UBE2D3: variants seen among roughly 807,000 people sequenced by gnomAD.
The protein encoded by UBE2D3 is ubiquitin conjugating enzyme E2 D3.
In UBE2D3, 2 loss-of-function variants were observed where a neutral mutation model predicts 22.8. The ratio of observed to expected loss-of-function variants is 0.09; its 90% confidence interval spans 0.04 to 0.28. The LOEUF (loss-of-function observed/expected upper bound fraction) is 0.28, where lower values mean the gene tolerates loss of function less well. UBE2D3 is among the 10% of genes least tolerant of loss of function. The pLI, the probability that UBE2D3 is intolerant of heterozygous loss-of-function variation, is 1.00. For synonymous variants in UBE2D3, 56 were observed against 60.4 expected (o/e 0.93, Z 0.34); for missense variants, 27 against 182.5 (o/e 0.15, Z 4.91).
At chr4:102,856,921 A>C (rs1732648113) in intron 1 of UBE2D3, among the ~76,000 whole-genome samples, 1 of 152,198 alleles carries the variant, frequency 6.6e-6, no homozygotes, top group Non-Finnish European at 1.5e-5. Flanking sequence ...AAATAGGTGG[A>C]GCATAGGGCA....
chr4:102,848,120 A>G (rs916349783), intron 1 of UBE2D3, among the ~76,000 whole-genome samples: 2 of 152,222 alleles, frequency 1.3e-5, no homozygotes, highest in African/African-American at 4.8e-5. Flanking sequence ...AAGAAAAGCC[A>G]GATGGATCTA....
intron 2 of UBE2D3, among the ~76,000 whole-genome samples, chr4:102,820,185 G>T (rs1400014301): frequency 6.6e-6 from 1 of 152,216 alleles, no homozygotes; most frequent in Non-Finnish European, 1.5e-5. Flanking sequence ...CAGGCAGACA[G>T]TAACTACTGT....
chr4:102,853,890 A>C (rs1416844521), intron 1 of UBE2D3, among the ~76,000 whole-genome samples: 1 of 152,212 alleles, frequency 6.6e-6, no homozygotes, highest in African/African-American at 2.4e-5. Flanking sequence ...GATAAGATCC[A>C]CTTCAAAGTA....
At chr4:102,835,626 G>A (rs553855483) in intron 1 of UBE2D3, among the ~76,000 whole-genome samples, 6 of 152,152 alleles carry the variant, frequency 3.9e-5, no homozygotes, top group Non-Finnish European at 5.9e-5. Context: ...CTGAAAGAAA[G>A]GAACTATGTT....
At chr4:102,826,082 C>A (rs1478754737) in intron 2 of UBE2D3, among the ~76,000 whole-genome samples, 1 of 152,136 alleles carries the variant, frequency 6.6e-6, no homozygotes, top group East Asian at 1.9e-4. Context: ...GCCTAGATAA[C>A]CTTGATCTCA....
Position 102,794,391 on chromosome 4 carries a change from AAC to A in UBE2D3, c.*3022_*3023del, listed in dbSNP as rs1296696753. The stretch of plus-strand genomic sequence containing the variant: ...ACCGAGTAAGACCAAAGTGTCTTTA[AAC>A]ACAGACTTTAATGGTAACAATTCCT... On this transcript the variant is annotated 3_prime_UTR_variant, in exon 8 of 8. Coordinates refer to ENST00000453744, the MANE Select transcript of UBE2D3 (RefSeq NM_181891.3). 2 of 152,136 alleles carry A rather than the reference AAC, an allele frequency of 1.3e-5. No homozygotes were observed. Among genetic ancestry groups the A allele is most frequent in the East Asian group, 1.9e-4 (1 of 5,206 alleles). The allele number at this position is 152,136 out of a possible 1,614,324, so 9.4% of individuals were successfully genotyped here. A position where few individuals can be genotyped will look rare whatever the true frequency, so the allele number is the denominator to read the frequency against.
At chr4:102,806,763 T>G (rs944451548) in intron 4 of UBE2D3, among the ~76,000 whole-genome samples, 4 of 152,084 alleles carry the variant, frequency 2.6e-5, no homozygotes, top group African/African-American at 9.7e-5. Flanking sequence ...TCAGAGGCAA[T>G]AGGTAAGGAA....
chr4:102,801,313 G>A (rs1726118220), intron 6 of UBE2D3, 141 bp downstream of exon 6: 1 of 689,178 alleles, frequency 1.5e-6, no homozygotes, highest in Non-Finnish European at 2.3e-6. Flanking sequence ...ACCACTAAAA[G>A]AACAAAAATT....
rs1431648109 is a variant in UBE2D3, at chr4:102,794,816, AAAAC to A, written c.*2595_*2598del. The A allele has an allele frequency of 1.3e-5, 2 of 152,112 alleles. No homozygotes were observed. Among genetic ancestry groups the A allele is most frequent in the Non-Finnish European group, 2.9e-5 (2 of 67,960 alleles). 9.4% of individuals were successfully genotyped at this position (152,112 alleles called of 1,614,324 possible). The stretch of plus-strand genomic sequence containing the variant: ...TATCACATTGCAAACTCGCCCAGGA[AAAAC>A]AAACTGAGTCATTTAAAATGTAAAT... On this transcript the variant is annotated 3_prime_UTR_variant, in exon 8 of 8. Coordinates refer to ENST00000453744, the MANE Select transcript of UBE2D3 (RefSeq NM_181891.3).
intron 1 of UBE2D3, among the ~76,000 whole-genome samples, chr4:102,837,825 A>G (rs62327265): frequency 2.0e-5 from 3 of 152,158 alleles, no homozygotes; most frequent in Admixed American, 6.6e-5. Flanking sequence ...GGTGGCAGGC[A>G]CCTGTAGTCC....
intron 1 of UBE2D3, chr4:102,827,150 C>G: frequency 1.0e-6 from 1 of 986,900 alleles, no homozygotes; most frequent in South Asian, 4.6e-5. Context: ...ACCGTACACT[C>G]ACTCCGCCTT....
intron 5 of UBE2D3, 60 bp from the exon 6 acceptor site, chr4:102,801,619 A>T: frequency 7.6e-7 from 1 of 1,324,082 alleles, no homozygotes; most frequent in Non-Finnish European, 1.0e-6. Flanking sequence ...TTAAAGCAAA[A>T]CTTAAAATAA....
intron 4 of UBE2D3, among the ~76,000 whole-genome samples, chr4:102,803,632 A>G (rs1456869970): frequency 6.6e-6 from 1 of 152,236 alleles, no homozygotes; most frequent in Non-Finnish European, 1.5e-5. Flanking sequence ...ATGAGCTTAC[A>G]CTGATAGACA....
At chr4:102,831,867 G>A (rs1731134298), upstream of UBE2D3, among the ~76,000 whole-genome samples, 1 of 152,180 alleles carries the variant, frequency 6.6e-6, no homozygotes, top group Non-Finnish European at 1.5e-5. Flanking sequence ...GAGTCTTTCA[G>A]GTTTAGGACA....
chr4:102,847,977 G>A (rs1351122883), intron 1 of UBE2D3, among the ~76,000 whole-genome samples: 3 of 152,072 alleles, frequency 2.0e-5, no homozygotes, highest in East Asian at 1.9e-4. Context: ...TTATTGGAAC[G>A]CTAAGCATGT....
At chr4:102,826,792 C>A (rs919520434) in intron 1 of UBE2D3, 156 bp from the exon 2 acceptor site, 11 of 1,249,312 alleles carry the variant, frequency 8.8e-6, no homozygotes, top group Non-Finnish European at 9.1e-6. Flanking sequence ...GAAGTGGGGG[C>A]GAGGGTGACG....
In UBE2D3 at chr4:102,814,522, C is replaced by T. The variant is rs369826254; in HGVS notation, c.25-4667G>A. On this transcript the variant is annotated intron_variant, in intron 2 of 7. Coordinates refer to ENST00000453744, the MANE Select transcript of UBE2D3 (RefSeq NM_181891.3). ...GGTTTCACCATGGCCAGGCTGATCT[C>T]GAAATCCTGACCTCAAGTGATCCGC... 9.9e-4 allele frequency among the ~76,000 whole-genome samples: 145 copies of T among 147,128 alleles called. 1 individual carries two copies. Among genetic ancestry groups the T allele is most frequent in the African/African-American group, 3.6e-3 (141 of 39,576 alleles).
intron 2 of UBE2D3, among the ~76,000 whole-genome samples, chr4:102,817,501 A>G (rs554116604): frequency 6.6e-6 from 1 of 152,292 alleles, no homozygotes; most frequent in South Asian, 2.1e-4. Flanking sequence ...GGATAGGTGA[A>G]CTAAGTGTAC....
At chr4:102,819,222 C>G (rs189678446) in intron 2 of UBE2D3, among the ~76,000 whole-genome samples, 1 of 151,546 alleles carries the variant, frequency 6.6e-6, no homozygotes, top group Non-Finnish European at 1.5e-5. Flanking sequence ...CCCAGCTACT[C>G]GAGAGGCTGA....
Sources: allele counts gnomAD v4.1 joint callset (sites outside exome capture counted in the v4.1 genomes callset), GRCh38; gene constraint gnomAD v4.1.1; transcripts MANE v1.5; gene names NCBI Gene and HGNC (gene_info 2026-07-23, HGNC 2026-07-21).